Variants in VWA5A observed in about 807,000 individuals in gnomAD.
VWA5A encodes von Willebrand factor A domain-containing protein 5A.
A neutral mutation model predicts 84.6 loss-of-function variants in VWA5A; 77 were observed. That is an observed-to-expected ratio of 0.91 (90% confidence interval 0.76 to 1.10). The LOEUF (loss-of-function observed/expected upper bound fraction) is 1.10, where lower values mean the gene tolerates loss of function less well. Among genes scored for constraint, VWA5A ranks in the 50% least tolerant of loss-of-function variants. VWA5A has a pLI of 0.00. For missense variants in VWA5A, 973 were observed against 963.0 expected, an observed-to-expected ratio of 1.01 and a Z score of -0.14; for synonymous variants, 334 against 350.1, an observed-to-expected ratio of 0.95 and a Z score of 0.51.
At chr11:124,143,820 T>A (rs79368974) in intron 17 of VWA5A, among the ~76,000 whole-genome samples, 4,790 of 152,188 alleles carry the variant, frequency 0.031, 157 homozygotes, top group African/African-American at 0.087. Context: ...AACAAAAAAC[T>A]TCAGACTGAC....
chr11:124,142,448 G>T lies in VWA5A; in HGVS notation c.2030G>T (p.Gly677Val), dbSNP rs1860747591. The T allele has an allele frequency of 6.2e-7, 1 of 1,614,106 alleles. No individual in the cohort carries two copies. Among genetic ancestry groups the T allele is most frequent in the Non-Finnish European group, 8.5e-7 (1 of 1,180,010 alleles). ...CTTTTCTTTCTCCTCAAAGGCTTTG[G>T]AGAGAATCACCTTGTGCAGCTGATT... ...SHKDQHSPGFGENHLVQLIYH... is the reference protein window; with the variant it reads ...SHKDQHSPGFVENHLVQLIYH... Residue 677 changes from glycine (G) to valine (V), a missense_variant, in exon 17 of 19, where the codon GGA (glycine) becomes GTA (valine). Coordinates refer to ENST00000456829, the MANE Select transcript of VWA5A (RefSeq NM_001130142.2).
rs759078872 is a variant in VWA5A at position 124,118,331 on chromosome 11, T to G, written c.389T>G (p.Val130Gly). 2.5e-6 allele frequency: 4 copies of G among 1,614,110 alleles called. No homozygotes were observed. In the African/African-American group the frequency reaches 5.3e-5, roughly 22 times the overall value. The stretch of plus-strand genomic sequence containing the variant: ...AAGGCGGCAGTCACCCTGAAGTATG[T>G]GCAGGAGCTGCCTCTGGAAGCAGAT... Reference protein sequence around the residue: ...GSKAAVTLKYVQELPLEADGA... With the variant: ...GSKAAVTLKYGQELPLEADGA... The change falls in exon 5 of 19, where the codon GTG (valine) becomes GGG (glycine). Residue 130 changes from valine (V) to glycine (G), a missense_variant. Physicochemically the swap from Val to Gly is moderately radical, Grantham distance 109. Transcript: ENST00000456829.
chr11:124,136,754 C>CCTTCCT, intron 14 of VWA5A, 80 bp downstream of exon 14: 1 of 445,972 alleles, frequency 2.2e-6, no homozygotes, highest in Non-Finnish European at 3.5e-6. Context: ...CCTTCATTCC[C>CCTTCCT]TCCCTCCCTC....
intron 11 of VWA5A, among the ~76,000 whole-genome samples, chr11:124,133,935 G>A (rs545918083): frequency 3.3e-4 from 50 of 152,074 alleles, no homozygotes; most frequent in Non-Finnish European, 5.3e-4. Context: ...TTTAGAGACC[G>A]GGTCTGTCAC....
chr11:124,127,841 G>A (rs1865042273), intron 11 of VWA5A, among the ~76,000 whole-genome samples: 1 of 152,062 alleles, frequency 6.6e-6, no homozygotes, highest in Non-Finnish European at 1.5e-5. Context: ...CATATCCTCT[G>A]CCCACTTTTT....
At chr11:124,124,704 C>A in intron 11 of VWA5A, 1 of 325,860 alleles carries the variant, frequency 3.1e-6, no homozygotes, top group Non-Finnish European at 4.5e-6. Context: ...CTGGAATGGT[C>A]GTAGGCCTCT....
intron 7 of VWA5A, among the ~76,000 whole-genome samples, chr11:124,120,994 T>C (rs77541602): frequency 0.016 from 2,407 of 152,282 alleles, 60 homozygotes; most frequent in African/African-American, 0.054. Context: ...GTCTTGTGAA[T>C]CCCTTCCAGC....
chr11:124,122,922 C>T (rs534352036), intron 7 of VWA5A, 38 bp from the exon 8 acceptor site: 1 of 1,578,122 alleles, frequency 6.3e-7, no homozygotes, highest in African/African-American at 1.4e-5. Context: ...TTCTTGAGTT[C>T]CTTTTTGTCT....
intron 14 of VWA5A, 95 bp from the exon 15 acceptor site, chr11:124,136,920 C>A: frequency 6.7e-7 from 1 of 1,488,968 alleles, no homozygotes; most frequent in Non-Finnish European, 9.0e-7. Flanking sequence ...CTGACTTTAT[C>A]TTAACTCTTC....
intron 11 of VWA5A, among the ~76,000 whole-genome samples, chr11:124,132,216 C>T (rs1045883231): frequency 2.0e-5 from 3 of 151,996 alleles, no homozygotes; most frequent in Non-Finnish European, 2.9e-5. Context: ...ATGTATTAAT[C>T]TCTTTCATAT....
intron 7 of VWA5A, among the ~76,000 whole-genome samples, chr11:124,122,418 C>T (rs768485684): frequency 4.6e-5 from 7 of 152,136 alleles, no homozygotes; most frequent in Non-Finnish European, 1.0e-4. Context: ...GGACTATCAG[C>T]GAGTTATTCA....
intron 7 of VWA5A, among the ~76,000 whole-genome samples, chr11:124,120,715 T>A (rs1036397179): frequency 1.3e-5 from 2 of 152,204 alleles, no homozygotes; most frequent in African/African-American, 4.8e-5. Context: ...TGTACGTTAG[T>A]TATCTGCTTT....
rs574427372 is a variant in VWA5A, at chr11:124,132,669, C to T, written c.1245-2251C>T. 2.0e-5 allele frequency among the ~76,000 whole-genome samples: 3 copies of T among 152,112 alleles called. No individual in the cohort carries two copies. The South Asian group carries it at 6.2e-4, about 32-fold the overall frequency. ...TTCTTTCCTTGCACTGGATATTTAT[C>T]AATTTTAATAATAATTTCAAAACAC... is the stretch of plus-strand genomic sequence containing the variant. On this transcript the variant is annotated intron_variant, in intron 11 of 18. Transcript: ENST00000456829.
chr11:124,135,311 GAC>G (rs1865158175), intron 12 of VWA5A, among the ~76,000 whole-genome samples: 1 of 152,140 alleles, frequency 6.6e-6, no homozygotes, highest in African/African-American at 2.4e-5. Flanking sequence ...TTTAAGACCA[GAC>G]ACAGACAAAC....
At chr11:124,132,851 AT>A (rs973316358) in intron 11 of VWA5A, among the ~76,000 whole-genome samples, 1 of 151,856 alleles carries the variant, frequency 6.6e-6, no homozygotes, top group Admixed American at 6.6e-5. Context: ...TTGATAGTTG[AT>A]TTTTAGACTT....
intron 2 of VWA5A, 65 bp from the exon 3 acceptor site, chr11:124,117,432 A>G: frequency 6.9e-7 from 1 of 1,444,652 alleles, no homozygotes; most frequent in Non-Finnish European, 9.7e-7. Flanking sequence ...AAGGCACATA[A>G]AGTACTGGTG....
chr11:124,145,764 G>A, intron 18 of VWA5A, 102 bp from the exon 19 acceptor site: 1 of 1,203,000 alleles, frequency 8.3e-7, no homozygotes, highest in Non-Finnish European at 1.2e-6. Flanking sequence ...CAGGGATATT[G>A]AGGACAGATA....
intron 10 of VWA5A, 69 bp downstream of exon 10, chr11:124,123,873 G>A (rs1864974811): frequency 6.7e-7 from 1 of 1,501,674 alleles, no homozygotes; most frequent in Non-Finnish European, 8.9e-7. Flanking sequence ...ATGCCCCTGA[G>A]CTTCATGCAG....
chr11:124,116,653 C>T lies in VWA5A; in HGVS notation c.-43C>T, dbSNP rs1290276092. 2 of 152,300 alleles carry T rather than the reference C, an allele frequency of 1.3e-5. No individual in the cohort carries two copies. The highest frequency in any genetic ancestry group is 1.9e-4 in the East Asian group (1 of 5,204). The allele number at this position is 152,300 out of a possible 1,614,324, so 9.4% of individuals were successfully genotyped here. A position where few individuals can be genotyped will look rare whatever the true frequency, so the allele number is the denominator to read the frequency against. On this transcript the variant is annotated 5_prime_UTR_variant, in exon 2 of 19. Coordinates refer to ENST00000456829, the MANE Select transcript of VWA5A (RefSeq NM_001130142.2). ...GCATCCTCTCCTCTCCTCACACCTG[C>T]CACTGTCCTCTGCGTTGCTGTCGAA...
Sources: allele counts gnomAD v4.1 joint callset (sites outside exome capture counted in the v4.1 genomes callset), GRCh38; gene constraint gnomAD v4.1.1; transcripts MANE v1.5; gene names NCBI Gene and HGNC (gene_info 2026-07-23, HGNC 2026-07-21).